The following TG variants were observed in gnomAD, a reference collection of about 807,000 sequenced individuals.
TG encodes the protein thyroid hormones.
Under a neutral mutation model 324.7 loss-of-function variants are expected in TG, and 270 were observed. That is an observed-to-expected ratio of 0.83 (90% CI 0.75 to 0.92). The LOEUF (loss-of-function observed/expected upper bound fraction) is 0.92. Among genes scored for constraint, TG ranks in the 40% least tolerant of loss-of-function variants. TG has a pLI of 0.00. For synonymous variants in TG, 1,401 were observed against 1,327.0 expected (o/e 1.06, Z -1.21); for missense variants, 3,591 against 3,456.4 (o/e 1.04, Z -0.98).
intron 35 of TG, chr8:132,994,590 G>GTT: frequency 9.8e-7 from 1 of 1,018,402 alleles, no homozygotes; most frequent in Non-Finnish European, 1.3e-6. Flanking sequence ...GCTACACAAA[G>GTT]TTTTTTTTAA....
intron 41 of TG, among the ~76,000 whole-genome samples, chr8:133,056,995 G>A (rs1256096103): frequency 6.6e-6 from 1 of 152,198 alleles, no homozygotes; most frequent in South Asian, 2.1e-4. Flanking sequence ...CTTCCCAGGG[G>A]ATTCTGATGC....
At chr8:132,940,392 T>G (rs868268215) in intron 25 of TG, among the ~76,000 whole-genome samples, 9 of 152,208 alleles carry the variant, frequency 5.9e-5, no homozygotes, top group African/African-American at 2.2e-4. Flanking sequence ...ATCTCATGTT[T>G]GCAAAGTGAC....
In TG at chr8:133,133,520, C is replaced by A. The variant is rs1377662259; in HGVS notation, c.8048C>A (p.Thr2683Asn). 4 of 1,614,210 alleles carry A rather than the reference C, an allele frequency of 2.5e-6. No individual in the cohort carries two copies. Among genetic ancestry groups the A allele is most frequent in the African/African-American group, 1.3e-5 (1 of 75,054 alleles). The change falls in exon 47 of 48, where the codon ACC becomes AAC. Residue 2683 changes from threonine (T) to asparagine (N), a missense_variant. Thr to Asn is a moderately conservative substitution (Grantham distance 65). Transcript: ENST00000220616. ...TCACGGAAAGTACCCACATTTGCAA[C>A]CCCCTGGCCTGACTTTGTACCCCGT... is the stretch of plus-strand genomic sequence containing the variant. The part of the protein sequence containing the change: ...EFSRKVPTFA[T>N]PWPDFVPRAG...
chr8:132,953,130 G>A (rs2142379), intron 27 of TG, among the ~76,000 whole-genome samples: 121,153 of 152,206 alleles, frequency 0.8, 48,288 homozygotes, highest in Admixed American at 0.85. Context: ...TACTTCAAGG[G>A]TTTTACAGGG....
intron 41 of TG, chr8:133,040,282 A>C: frequency 2.5e-6 from 2 of 800,232 alleles, no homozygotes; most frequent in Non-Finnish European, 3.9e-6. Flanking sequence ...GGTGGTGACA[A>C]TGCTGAAAGT....
intron 41 of TG, chr8:133,040,211 A>G (rs1035642127): frequency 1.4e-6 from 2 of 1,451,724 alleles, no homozygotes; most frequent in Non-Finnish European, 1.9e-6. Context: ...GACACTCTCC[A>G]GTGCAGCTCC....
chr8:132,933,652 T>C lies in TG; in HGVS notation c.4908T>C (p.Asn1636=), dbSNP rs1167683506. 7.4e-6 allele frequency: 12 copies of C among 1,614,014 alleles called. No homozygotes were observed. Among genetic ancestry groups the C allele is most frequent in the Admixed American group, 6.7e-5 (4 of 60,002 alleles). ...SCDFYAWTSD[N]VACMTSDQKR... ...ATTTCTATGCTTGGACAAGTGACAATGTTGCCTGCATGACTTCTGACCAGG... is the reference window on the plus strand; with the variant it reads ...ATTTCTATGCTTGGACAAGTGACAACGTTGCCTGCATGACTTCTGACCAGG... The change falls in exon 24 of 48, where the codon AAT becomes AAC. Residue 1636 remains asparagine (N), a synonymous_variant. Coordinates refer to ENST00000220616, the MANE Select transcript of TG (RefSeq NM_003235.5).
At chr8:132,961,174 T>G in intron 28 of TG, 101 bp downstream of exon 28, 1 of 1,194,576 alleles carries the variant, frequency 8.4e-7, no homozygotes, top group Non-Finnish European at 1.2e-6. Flanking sequence ...TGTAGAGGAA[T>G]AGGTAGAGAG....
chr8:133,051,214 C>T (rs911711794), intron 41 of TG, among the ~76,000 whole-genome samples: 10 of 152,120 alleles, frequency 6.6e-5, no homozygotes, highest in East Asian at 3.8e-4. Context: ...CTGGCTTCAG[C>T]GCCTGTTACG....
chr8:132,915,480 G>A (rs1820160818), intron 20 of TG, among the ~76,000 whole-genome samples: 1 of 152,192 alleles, frequency 6.6e-6, no homozygotes, highest in African/African-American at 2.4e-5. Flanking sequence ...TAGGGCCTGG[G>A]AATCAGCAGC....
chr8:132,877,366 T>C (rs1000557464), intron 5 of TG, among the ~76,000 whole-genome samples: 1 of 152,136 alleles, frequency 6.6e-6, no homozygotes, highest in Non-Finnish European at 1.5e-5. Context: ...CTGAAACTCC[T>C]GACCTCAAGT....
intron 43 of TG, chr8:133,106,591 C>G: frequency 2.8e-6 from 1 of 351,942 alleles, no homozygotes; most frequent in South Asian, 1.1e-4. Flanking sequence ...CCTCACCCAG[C>G]TGTCCGCATG....
intron 43 of TG, chr8:133,102,721 C>G: frequency 1.5e-6 from 1 of 689,352 alleles, no homozygotes; most frequent in Non-Finnish European, 2.5e-6. Flanking sequence ...CCTACATTAT[C>G]CAGGCATTCA....
rs765850322 is a variant in TG, at chr8:133,040,017, C to T, written c.7239+9994C>T. 9.0e-6 allele frequency: 14 copies of T among 1,551,614 alleles called. No individual in the cohort carries two copies. In the African/African-American group the frequency reaches 1.9e-4, roughly 21 times the overall value. On this transcript the variant is annotated intron_variant, in intron 41 of 47. Coordinates refer to ENST00000220616, the MANE Select transcript of TG (RefSeq NM_003235.5). ...ACTCACCTGGACACTCTCCTCCAGTCCACAGTCTTCTGACGCAAGGTGACA... is the reference window on the plus strand; with the variant it reads ...ACTCACCTGGACACTCTCCTCCAGTTCACAGTCTTCTGACGCAAGGTGACA...
At chr8:133,051,007 A>T in intron 41 of TG, 2 of 721,008 alleles carry the variant, frequency 2.8e-6, no homozygotes, top group Non-Finnish European at 4.9e-6. Flanking sequence ...TATGAAGATG[A>T]GATTTTCCAG....
intron 24 of TG, among the ~76,000 whole-genome samples, chr8:132,935,307 AT>A (rs942783585): frequency 1.1e-3 from 160 of 148,976 alleles, no homozygotes; most frequent in African/African-American, 3.5e-3. Context: ...CACCCGATTA[AT>A]TTTTTTTTTG....
At chr8:133,131,974 C>G in intron 46 of TG, 28 bp downstream of exon 46, 7 of 1,613,814 alleles carry the variant, frequency 4.3e-6, no homozygotes, top group Non-Finnish European at 5.1e-6. Context: ...GTTCAGAATT[C>G]TGTCACTGTG....
intron 42 of TG, 101 bp downstream of exon 42, chr8:133,095,309 C>T (rs558486492): frequency 3.3e-6 from 5 of 1,526,818 alleles, no homozygotes; most frequent in Non-Finnish European, 4.5e-6. Flanking sequence ...AGCCATACCA[C>T]ACATGAGGCT....
Position 132,893,877 on chromosome 8 carries a change from G to C in TG, c.2949G>C (p.Ala983=). ...PPLFPPREAF[A]EQFLRGSDYA... ...TCTTCCCGCCCCGGGAGGCTTTCGC[G>C]GAGCAGTTTCTGCGTGGGAGTGATT... Residue 983 remains alanine, a synonymous_variant, in exon 11 of 48, where the codon GCG becomes GCC. Transcript: ENST00000220616. The C allele has an allele frequency of 3.7e-6, 6 of 1,614,068 alleles. No individual in the cohort carries two copies. Among genetic ancestry groups the C allele is most frequent in the East Asian group, 2.2e-5 (1 of 44,882 alleles).
Sources: allele counts gnomAD v4.1 joint callset (sites outside exome capture counted in the v4.1 genomes callset), GRCh38; gene constraint gnomAD v4.1.1; transcripts MANE v1.5; gene names NCBI Gene and HGNC (gene_info 2026-07-23, HGNC 2026-07-21).